NIN: variants seen among roughly 807,000 people sequenced by gnomAD.
NIN encodes glycogen synthase kinase 3 beta-interacting protein.
NIN carries 137 observed loss-of-function variants against 257.6 expected under a neutral mutation model. The observed-to-expected ratio is 0.53, with a 90% confidence interval of 0.46 to 0.61. The LOEUF is 0.61. NIN is among the 20% of genes least tolerant of loss of function. NIN has a pLI of 0.00. For synonymous variants in NIN, 918 were observed against 919.8 expected (o/e 1.00, Z 0.04); for missense variants, 2,439 against 2,501.2 (o/e 0.98, Z 0.53).
At chr14:50,739,569 A>G in intron 25 of NIN, 82 bp from the exon 26 acceptor site, 4 of 1,314,948 alleles carry the variant, frequency 3.0e-6, no homozygotes, top group East Asian at 4.6e-5. Flanking sequence ...TGTTTACCCA[A>G]TGACAACGAC....
chr14:50,779,289 T>C (rs879895571), intron 5 of NIN, among the ~76,000 whole-genome samples: 2 of 152,224 alleles, frequency 1.3e-5, no homozygotes, highest in Non-Finnish European at 2.9e-5. Context: ...TATATGCTAA[T>C]GAAGACATGC....
rs2042949075 is a variant in NIN, at chr14:50,777,014, G to A, written c.601C>T (p.His201Tyr). 1 of 1,614,210 alleles carries A rather than the reference G, an allele frequency of 6.2e-7. No individual in the cohort carries two copies. Among genetic ancestry groups the A allele is most frequent in the Non-Finnish European group, 8.5e-7 (1 of 1,180,044 alleles). Residue 201 changes from histidine to tyrosine, a missense_variant, in exon 7 of 31, where the codon CAC becomes TAC. By Grantham distance (83) the His-to-Tyr change is moderately conservative. This residue lies in a region of NIN where 387 missense variants were observed against 427.3 expected (regional missense o/e 0.91). Transcript: ENST00000530997. ...GAGACCAGCTTCTTCCGGTTCAGGTGACCATCACGGGTGATCCCCAAATCT... is the reference window on the plus strand; with the variant it reads ...GAGACCAGCTTCTTCCGGTTCAGGTAACCATCACGGGTGATCCCCAAATCT... ...CEDLGITRDG[H>Y]LNRKKLVSIC...
At position 50,822,102 on chromosome 14, in the gene NIN, C is replaced by A. The variant is rs372626090; in HGVS notation, c.-21-25G>T. 90 of 1,544,804 alleles carry A rather than the reference C, an allele frequency of 5.8e-5. No homozygotes were observed. The African/African-American group carries it at 1.0e-3, about 17-fold the overall frequency. ...CCTGTGTGTAAGACAGAGACAAGGA[C>A]AGGTTGTGGCAGCCTCTCCAGTCCT... On this transcript the variant is annotated intron_variant, in intron 2 of 30. Transcript: ENST00000530997.
At chr14:50,767,940 T>G (rs2042572675) in intron 12 of NIN, among the ~76,000 whole-genome samples, 1 of 152,006 alleles carries the variant, frequency 6.6e-6, no homozygotes, top group Non-Finnish European at 1.5e-5. Context: ...GAATTGCTCA[T>G]AATTTGTATA....
chr14:50,781,915 T>C (rs1008837590), intron 5 of NIN, among the ~76,000 whole-genome samples: 2 of 152,116 alleles, frequency 1.3e-5, no homozygotes, highest in African/African-American at 4.8e-5. Flanking sequence ...GGGAGGTATC[T>C]GTTATGGATA....
intron 4 of NIN, among the ~76,000 whole-genome samples, chr14:50,798,140 C>T (rs1374764796): frequency 2.6e-5 from 4 of 152,216 alleles, no homozygotes; most frequent in African/African-American, 7.2e-5. Flanking sequence ...CAAGCAGCCG[C>T]ACCACACTTC....
rs745884501 is a variant in NIN, at chr14:50,727,235, T to C, written c.6079-1169A>G. 3.1e-4 allele frequency: 292 copies of C among 942,192 alleles called. No homozygotes were observed. In the South Asian group the frequency reaches 3.6e-3, roughly 12 times the overall value. The allele number at this position is 942,192 out of a possible 1,614,324, so 58.4% of individuals were successfully genotyped here. On this transcript the variant is annotated intron_variant, in intron 29 of 30. Coordinates refer to ENST00000530997, the MANE Select transcript of NIN (RefSeq NM_020921.4). ...AACAGGAAAAACAAAGGCAGTCATA[T>C]ACTTAAAATTTATTTTATTGTTTCA...
At chr14:50,733,503 C>CAGTGTCAAG (rs1275076603) in intron 28 of NIN, among the ~76,000 whole-genome samples, 3 of 152,136 alleles carry the variant, frequency 2.0e-5, no homozygotes, top group Non-Finnish European at 4.4e-5. Context: ...TGTTCGGCTC[C>CAGTGTCAAG]AGTGTCAAGA....
At position 50,760,249 on chromosome 14, in the gene NIN, T is replaced by A; in HGVS notation, c.2007A>T (p.Ile669=). Residue 669 remains isoleucine (I), a synonymous_variant, in exon 17 of 31, where the codon ATA becomes ATT. Coordinates refer to ENST00000530997, the MANE Select transcript of NIN (RefSeq NM_020921.4). ...ENETHTLEKQ[I]SDLKNEIAEL... ...CAGCAATTTCATTTTTAAGGTCACT[T>A]ATTTGTTTTTCTAAGGTGTGCGTTT... is the stretch of plus-strand genomic sequence containing the variant. 6.2e-7 allele frequency: 1 copy of A among 1,612,522 alleles called. No individual in the cohort carries two copies. Among genetic ancestry groups the A allele is most frequent in the Non-Finnish European group, 8.5e-7 (1 of 1,179,974 alleles).
chr14:50,741,794 G>C, intron 24 of NIN, 66 bp from the exon 25 acceptor site: 2 of 1,535,334 alleles, frequency 1.3e-6, no homozygotes, highest in Non-Finnish European at 1.8e-6. Flanking sequence ...AGCATGTTCA[G>C]GAATGAATAA....
upstream of NIN, among the ~76,000 whole-genome samples, chr14:50,831,502 G>A (rs996640935): frequency 6.6e-6 from 1 of 152,160 alleles, no homozygotes; most frequent in Non-Finnish European, 1.5e-5. Flanking sequence ...CGCAGAGGAA[G>A]GGCCCCCGCC....
Position 50,792,738 on chromosome 14 carries a change from G to A in NIN, c.409C>T (p.His137Tyr). 1 of 1,614,172 alleles carries A rather than the reference G, an allele frequency of 6.2e-7. No individual in the cohort carries two copies. The highest frequency in any genetic ancestry group is 8.5e-7 in the Non-Finnish European group (1 of 1,180,034). Reference sequence around the variant, plus strand: ...TCACTGCAGTCACCGGCTGGGATGTGTGAAGGCCGCGCTTCTTCATCCAGT... The same window carrying A: ...TCACTGCAGTCACCGGCTGGGATGTATGAAGGCCGCGCTTCTTCATCCAGT... ...EPLDEEARPS[H>Y]IPAGDCSEHW... The change falls in exon 5 of 31, where the codon CAC (histidine) becomes TAC (tyrosine). Residue 137 changes from histidine (H) to tyrosine (Y), a missense_variant. His to Tyr is a moderately conservative substitution (Grantham distance 83). This residue lies in a region of NIN where 387 missense variants were observed against 427.3 expected (regional missense o/e 0.91). Coordinates refer to ENST00000530997, the MANE Select transcript of NIN (RefSeq NM_020921.4).
chr14:50,774,089 T>A (rs2042832996), intron 7 of NIN, among the ~76,000 whole-genome samples: 1 of 152,196 alleles, frequency 6.6e-6, no homozygotes, highest in Admixed American at 6.5e-5. Flanking sequence ...TCTGGTGGTG[T>A]GGGGATTCAG....
At position 50,757,174 on chromosome 14, in the gene NIN, C is replaced by G; in HGVS notation, c.3856G>C (p.Glu1286Gln). ...ALENNKELTA[E>Q]VFRLQDELKK... is the part of the protein sequence containing the mutation. ...AGCTCATCCTGCAACCTGAAAACCT[C>G]TGCAGTGAGTTCTTTGTTATTTTCT... The change falls in exon 18 of 31, where the codon GAG becomes CAG. Residue 1286 changes from glutamate (E) to glutamine (Q), a missense_variant. Glu to Gln is a conservative substitution (Grantham distance 29, BLOSUM62 2). Transcript: ENST00000530997. 3 of 1,613,494 alleles carry G rather than the reference C, an allele frequency of 1.9e-6. No individual in the cohort carries two copies. The highest frequency in any genetic ancestry group is 2.5e-6 in the Non-Finnish European group (3 of 1,179,830).
chr14:50,740,147 CAT>C (rs1047560689), intron 25 of NIN, among the ~76,000 whole-genome samples: 3 of 151,170 alleles, frequency 2.0e-5, no homozygotes, highest in African/African-American at 7.3e-5. Context: ...GGTACAATCT[CAT>C]TTTCAGAAAA....
chr14:50,734,549 A>G (rs1354665751), intron 28 of NIN, among the ~76,000 whole-genome samples: 6 of 152,260 alleles, frequency 3.9e-5, no homozygotes, highest in Non-Finnish European at 8.8e-5. Context: ...AGGTATATCA[A>G]TGAAATCCTT....
chr14:50,811,361 G>A (rs1323639810), intron 3 of NIN, among the ~76,000 whole-genome samples: 2 of 151,788 alleles, frequency 1.3e-5, no homozygotes, highest in Non-Finnish European at 2.9e-5. Context: ...CACCCGTCAC[G>A]GCCTCCCAAA....
In NIN at chr14:50,725,965, C is replaced by G; in HGVS notation, c.6180G>C (p.Gln2060His). 2.5e-6 allele frequency: 4 copies of G among 1,614,068 alleles called. No homozygotes were observed. Residue 2060 changes from glutamine (Q) to histidine (H), a missense_variant, in exon 30 of 31, where the codon CAG becomes CAC. This residue lies in a region of NIN where 2,043 missense variants were observed against 2,050.2 expected (regional missense o/e 1.00). Transcript: ENST00000530997. The part of the protein sequence containing the change: ...VKRLLQEKVN[Q>H]LKEQLCKNTK... ...CGGGTAGGCTCACTTGTTCTTTGAG[C>G]TGATTCACTTTCTCTTGAAGAAGCC...
chr14:50,764,353 C>T (rs2042390721), intron 14 of NIN, among the ~76,000 whole-genome samples: 1 of 152,128 alleles, frequency 6.6e-6, no homozygotes, highest in South Asian at 2.1e-4. Flanking sequence ...AAAAGACATA[C>T]AATAACGACT....
Sources: allele counts gnomAD v4.1 joint callset (sites outside exome capture counted in the v4.1 genomes callset), GRCh38; gene constraint gnomAD v4.1.1; regional missense constraint gnomAD v4.1.1; transcripts MANE v1.5; gene names NCBI Gene and HGNC (gene_info 2026-07-23, HGNC 2026-07-21).